Variants in ZCWPW2 observed in about 807,000 individuals in gnomAD.
ZCWPW2 encodes the protein zinc finger CW-type and PWWP domain containing 2, also known as zinc finger CW-type PWWP domain protein 2.
ZCWPW2 carries 45 observed loss-of-function variants against 46.6 expected under a neutral mutation model. That is an observed-to-expected ratio of 0.96 (90% CI 0.76 to 1.24). ZCWPW2 has a LOEUF of 1.24. Among genes scored for constraint, ZCWPW2 ranks in the 50% most tolerant of loss-of-function variants. ZCWPW2 has a pLI of 0.00. For missense variants in ZCWPW2, 429 were observed against 403.9 expected (o/e 1.06, Z -0.53); for synonymous variants, 152 against 137.1 (o/e 1.11, Z -0.76).
intron 4 of ZCWPW2, among the ~76,000 whole-genome samples, chr3:28,468,815 T>C (rs1053738732): frequency 6.6e-6 from 1 of 152,030 alleles, no homozygotes; most frequent in Non-Finnish European, 1.5e-5. Context: ...CAAGAAATGA[T>C]AAAAAGAGTA....
intron 1 of ZCWPW2, among the ~76,000 whole-genome samples, chr3:28,382,471 A>G (rs1695141834): frequency 6.6e-6 from 1 of 152,176 alleles, no homozygotes; most frequent in Non-Finnish European, 1.5e-5. Flanking sequence ...CCTAACTCCA[A>G]GTAGAGTAAT....
chr3:28,420,501 A>G (rs1236211332), intron 3 of ZCWPW2, among the ~76,000 whole-genome samples: 1 of 150,010 alleles, frequency 6.7e-6, no homozygotes, highest in East Asian at 2.0e-4. Context: ...ATTCCCTTCT[A>G]CATGTCCATG....
chr3:28,490,997 C>T (rs904582115), intron 5 of ZCWPW2, among the ~76,000 whole-genome samples: 2 of 152,130 alleles, frequency 1.3e-5, no homozygotes, highest in African/African-American at 4.8e-5. Context: ...TGAACACTTA[C>T]TGCATATAAA....
chr3:28,494,887 C>A (rs1306673802), intron 6 of ZCWPW2, among the ~76,000 whole-genome samples: 1 of 144,572 alleles, frequency 6.9e-6, no homozygotes, highest in Non-Finnish European at 1.5e-5. Context: ...TGAAGGACCT[C>A]TTCAAGGAGA....
intron 4 of ZCWPW2, among the ~76,000 whole-genome samples, chr3:28,466,760 C>T (rs1179164331): frequency 6.6e-6 from 1 of 152,124 alleles, no homozygotes; most frequent in Non-Finnish European, 1.5e-5. Flanking sequence ...GATTGCACCA[C>T]TGGACTCCAG....
intron 5 of ZCWPW2, among the ~76,000 whole-genome samples, chr3:28,484,280 G>T (rs1469617438): frequency 2.6e-5 from 4 of 151,206 alleles, no homozygotes; most frequent in Non-Finnish European, 2.9e-5. Flanking sequence ...TCCAATTTTT[G>T]AACTACCTTG....
chr3:28,416,945 G>A (rs547875091), intron 3 of ZCWPW2, among the ~76,000 whole-genome samples: 4 of 147,182 alleles, frequency 2.7e-5, no homozygotes, highest in African/African-American at 7.5e-5. Context: ...TTTCTGCATC[G>A]ATGTTCATCA....
At chr3:28,357,797 T>TTATATATATATATATATATATATA (rs3068920) in intron 1 of ZCWPW2, among the ~76,000 whole-genome samples, 26 of 140,406 alleles carry the variant, frequency 1.9e-4, no homozygotes, top group African/African-American at 5.6e-4. Flanking sequence ...TTGGTATATT[T>TTATATATATATATATATATATATA]TATATATATA....
intron 4 of ZCWPW2, chr3:28,461,130 CAT>C (rs1698617745): frequency 1.2e-5 from 2 of 163,742 alleles, no homozygotes; most frequent in Admixed American, 1.2e-4. Flanking sequence ...AATATATAAA[CAT>C]TGTGTCTAAA....
chr3:28,510,988 A>G (rs1187495841), intron 6 of ZCWPW2: 2 of 449,678 alleles, frequency 4.4e-6, no homozygotes, highest in Non-Finnish European at 8.9e-6. Context: ...CCTGGTAGCT[A>G]CATTCTGGAA....
intron 4 of ZCWPW2, among the ~76,000 whole-genome samples, chr3:28,441,519 C>T (rs544723251): frequency 2.4e-4 from 36 of 152,284 alleles, no homozygotes; most frequent in African/African-American, 7.7e-4. Context: ...TGTCCACTTT[C>T]GAGTGGTGCC....
At chr3:28,376,169 T>C (rs905412533) in intron 1 of ZCWPW2, among the ~76,000 whole-genome samples, 1 of 152,116 alleles carries the variant, frequency 6.6e-6, no homozygotes, top group African/African-American at 2.4e-5. Flanking sequence ...AGCAGTGGGA[T>C]TGCTGGTACT....
At chr3:28,464,006 T>A (rs1254065860) in intron 4 of ZCWPW2, among the ~76,000 whole-genome samples, 1 of 151,836 alleles carries the variant, frequency 6.6e-6, no homozygotes, top group Non-Finnish European at 1.5e-5. Flanking sequence ...AGGAAAATTT[T>A]GGGGGAGGAA....
intron 4 of ZCWPW2, among the ~76,000 whole-genome samples, chr3:28,438,762 A>G (rs1697599181): frequency 1.3e-5 from 2 of 152,188 alleles, no homozygotes; most frequent in Non-Finnish European, 2.9e-5. Flanking sequence ...AAGATGCTCA[A>G]AGAACTAAAG....
chr3:28,355,638 G>A (rs1429189498), intron 1 of ZCWPW2, among the ~76,000 whole-genome samples: 12 of 152,318 alleles, frequency 7.9e-5, no homozygotes, highest in African/African-American at 2.6e-4. Flanking sequence ...CATGGTACTG[G>A]TACCAAAACA....
chr3:28,362,043 AAAG>A (rs760745071), intron 1 of ZCWPW2, among the ~76,000 whole-genome samples: 19 of 152,172 alleles, frequency 1.2e-4, no homozygotes, highest in Non-Finnish European at 1.9e-4. Context: ...AAAGAATTAA[AAAG>A]AAGATCTGGA....
chr3:28,365,067 A>G (rs1256366775), intron 1 of ZCWPW2, among the ~76,000 whole-genome samples: 13 of 151,670 alleles, frequency 8.6e-5, no homozygotes, highest in African/African-American at 3.1e-4. Context: ...AGATGAGTAG[A>G]TTGCAAAAAT....
chr3:28,405,915 G>T (rs1696139371), intron 2 of ZCWPW2, among the ~76,000 whole-genome samples: 1 of 152,202 alleles, frequency 6.6e-6, no homozygotes, highest in African/African-American at 2.4e-5. Context: ...GACCATTTAG[G>T]TGGGAGGCCA....
intron 1 of ZCWPW2, among the ~76,000 whole-genome samples, chr3:28,369,366 C>A (rs1705232738): frequency 6.6e-6 from 1 of 152,096 alleles, no homozygotes; most frequent in South Asian, 2.1e-4. Context: ...GTTAGTTTTC[C>A]TTCTATCAGT....
Sources: gnomAD v4.1 joint callset for allele counts (sites outside exome capture counted in the v4.1 genomes callset) on GRCh38, gnomAD v4.1.1 for gene constraint, MANE v1.5 for transcripts, NCBI Gene and HGNC (gene_info 2026-07-23, HGNC 2026-07-21) for gene names.